SLC35F2: variants seen among roughly 807,000 people sequenced by gnomAD.
The protein encoded by SLC35F2 is solute carrier family 35 member F2, also known as queuine/queuosine transporter SLC35F2.
In SLC35F2, 25 loss-of-function variants were observed where a neutral mutation model predicts 38.1. The observed-to-expected ratio is 0.66, with a 90% CI of 0.48 to 0.92. The LOEUF is 0.92. Among genes scored for constraint, SLC35F2 ranks in the 40% least tolerant of loss-of-function variants. The pLI is 0.00. For synonymous variants in SLC35F2, 173 were observed against 181.7 expected, an observed-to-expected ratio of 0.95 and a Z score of 0.38; for missense variants, 409 against 452.9, an observed-to-expected ratio of 0.90 and a Z score of 0.88.
rs74648706 is a variant in SLC35F2 at position 107,792,223 on chromosome 11, C to A, written c.*392G>T. 2,876 of 161,730 alleles carry A rather than the reference C, an allele frequency of 0.018. 78 individuals are homozygous for A. The highest frequency in any genetic ancestry group is 0.065 in the African/African-American group (2,682 of 41,490). 10.0% of individuals were successfully genotyped at this position (161,730 alleles called of 1,614,324 possible). A position where few individuals can be genotyped will look rare whatever the true frequency, so the allele number is the denominator to read the frequency against. ...CAGAGGAAACGTACTCCAGAGCCACCGTGAGCTGCCCCTGTTCCTGACCAC... is the reference window on the plus strand; with the variant it reads ...CAGAGGAAACGTACTCCAGAGCCACAGTGAGCTGCCCCTGTTCCTGACCAC... On this transcript the variant is annotated 3_prime_UTR_variant, in exon 8 of 8. Coordinates refer to ENST00000525815, the MANE Select transcript of SLC35F2 (RefSeq NM_017515.5).
chr11:107,827,924 T>A (rs79465515), intron 1 of SLC35F2, among the ~76,000 whole-genome samples: 2,787 of 152,000 alleles, frequency 0.018, 81 homozygotes, highest in African/African-American at 0.062. Flanking sequence ...ATAAATAAAT[T>A]AATTAATTAA....
chr11:107,819,827 A>G (rs1168427307), intron 1 of SLC35F2, among the ~76,000 whole-genome samples: 1 of 152,160 alleles, frequency 6.6e-6, no homozygotes, highest in Non-Finnish European at 1.5e-5. Flanking sequence ...GATCCTGACA[A>G]CAGCCCTGAG....
intron 1 of SLC35F2, among the ~76,000 whole-genome samples, chr11:107,853,538 G>A (rs973543466): frequency 3.3e-5 from 5 of 151,586 alleles, no homozygotes; most frequent in South Asian, 2.1e-4. Context: ...CTAACACAGT[G>A]AAACCCCGCC....
At chr11:107,793,913 C>A (rs1329939829) in intron 7 of SLC35F2, among the ~76,000 whole-genome samples, 1 of 151,940 alleles carries the variant, frequency 6.6e-6, no homozygotes, top group Non-Finnish European at 1.5e-5. Context: ...AAAACCACCA[C>A]CCAGAGCAAA....
At chr11:107,809,500 C>T (rs12804236) in intron 3 of SLC35F2, 8,785 of 157,656 alleles carry the variant, frequency 0.056, 292 homozygotes, top group East Asian at 0.14. Context: ...AGTGTGGTGG[C>T]GCGTGCCTGT....
intron 1 of SLC35F2, among the ~76,000 whole-genome samples, chr11:107,836,361 A>G: frequency 6.7e-6 from 1 of 149,752 alleles, no homozygotes; most frequent in East Asian, 1.9e-4. Flanking sequence ...GGGGGGCATC[A>G]TTTCTGGGTT....
intron 6 of SLC35F2, 110 bp downstream of exon 6, chr11:107,804,608 T>C: frequency 1.2e-6 from 1 of 816,088 alleles, no homozygotes; most frequent in Non-Finnish European, 2.0e-6. Flanking sequence ...ATTAAATCAC[T>C]CCTGGATTTT....
chr11:107,827,108 G>A (rs2134816483), intron 1 of SLC35F2, among the ~76,000 whole-genome samples: 1 of 152,178 alleles, frequency 6.6e-6, no homozygotes, highest in South Asian at 2.1e-4. Flanking sequence ...ATGTAAGATT[G>A]AAGAGGTTGA....
chr11:107,840,719 T>C (rs1393781265), intron 1 of SLC35F2: 1 of 152,268 alleles, frequency 6.6e-6, no homozygotes, highest in South Asian at 2.1e-4. Flanking sequence ...CTCTGGTCTC[T>C]CTGTGGTTTG....
chr11:107,800,903 C>CTTTTTTTTTTTTTTTTTTTTTTT (rs71303238), intron 7 of SLC35F2, among the ~76,000 whole-genome samples: 1 of 126,202 alleles, frequency 7.9e-6, no homozygotes, highest in African/African-American at 3.2e-5. Context: ...GCTATTACTA[C>CTTTTTTTTTTTTTTTTTTTTTTT]TTTTTTTTTT....
At chr11:107,839,601 T>A (rs928981976) in intron 1 of SLC35F2, among the ~76,000 whole-genome samples, 1 of 152,236 alleles carries the variant, frequency 6.6e-6, no homozygotes, top group African/African-American at 2.4e-5. Flanking sequence ...AATCCATGTA[T>A]GATATCCTTC....
chr11:107,837,214 A>G (rs1366254974), intron 1 of SLC35F2, among the ~76,000 whole-genome samples: 1 of 152,232 alleles, frequency 6.6e-6, no homozygotes, highest in Non-Finnish European at 1.5e-5. Context: ...GGGAAGTGCT[A>G]GCCACTGATG....
rs1267282550 is a variant in SLC35F2 at position 107,822,984 on chromosome 11, C to T, written c.111-7019G>A. Reference sequence around the variant, plus strand: ...CAATGATGGGATGCATTCATATACACATATATATAATATATATATGAGACA... The same window carrying T: ...CAATGATGGGATGCATTCATATACATATATATATAATATATATATGAGACA... On this transcript the variant is annotated intron_variant, in intron 1 of 7. Transcript: ENST00000525815. 3.3e-5 allele frequency among the ~76,000 whole-genome samples: 5 copies of T among 151,922 alleles called. No homozygotes were observed. The East Asian group carries it at 9.6e-4, about 29-fold the overall frequency.
intron 1 of SLC35F2, among the ~76,000 whole-genome samples, chr11:107,818,072 A>AGAAAGAAAGAAAGAAAG (rs1188353466): frequency 5.8e-5 from 4 of 68,480 alleles, no homozygotes; most frequent in African/African-American, 2.6e-4. Context: ...AAAAAAAAAA[A>AGAAAGAAAGAAAGAAAG]AAAGAAAGAA....
At chr11:107,857,059 G>A (rs1429250425) in intron 1 of SLC35F2, among the ~76,000 whole-genome samples, 3 of 149,226 alleles carry the variant, frequency 2.0e-5, no homozygotes, top group East Asian at 2.0e-4. Flanking sequence ...GAGGGGCGGA[G>A]GGAGGGAACT....
intron 4 of SLC35F2, 153 bp downstream of exon 4, chr11:107,806,564 A>AG (rs1859393642): frequency 1.5e-6 from 1 of 685,984 alleles, no homozygotes; most frequent in South Asian, 1.6e-5. Context: ...TTATACTATC[A>AG]ACTGAATTCA....
intron 1 of SLC35F2, among the ~76,000 whole-genome samples, chr11:107,842,097 AT>A (rs1591206903): frequency 6.7e-6 from 1 of 150,238 alleles, no homozygotes; most frequent in East Asian, 2.0e-4. Flanking sequence ...AAAATAAAAA[AT>A]AAAAATAAAA....
chr11:107,800,055 A>AT (rs112532866), intron 7 of SLC35F2, among the ~76,000 whole-genome samples: 20,060 of 146,046 alleles, frequency 0.14, 2,022 homozygotes, highest in East Asian at 0.43. Flanking sequence ...TGCCCGGCTA[A>AT]TTTTTTGTAT....
intron 1 of SLC35F2, chr11:107,824,067 T>A (rs1859717440): frequency 1.1e-6 from 1 of 905,654 alleles, no homozygotes; most frequent in Non-Finnish European, 1.3e-6. Flanking sequence ...CAATGTATCA[T>A]CTAATTCTAG....
Sources: gnomAD v4.1 joint callset for allele counts (sites outside exome capture counted in the v4.1 genomes callset) on GRCh38, gnomAD v4.1.1 for gene constraint, MANE v1.5 for transcripts, NCBI Gene and HGNC (gene_info 2026-07-23, HGNC 2026-07-21) for gene names.